RIMS2: variants seen among roughly 807,000 people sequenced by gnomAD.
The protein encoded by RIMS2 is regulating synaptic membrane exocytosis protein 2.
RIMS2 carries 59 observed loss-of-function variants against 174.4 expected under a neutral mutation model. The observed-to-expected ratio is 0.34, with a 90% confidence interval of 0.27 to 0.42. The LOEUF (loss-of-function observed/expected upper bound fraction) is 0.42, where lower values mean the gene tolerates loss of function less well. RIMS2 is among the 10% of genes least tolerant of loss of function. The pLI, the probability that RIMS2 is intolerant of heterozygous loss-of-function variation, is 1.00. For synonymous variants in RIMS2, 606 were observed against 572.5 expected, an observed-to-expected ratio of 1.06 and a Z score of -0.84; for missense variants, 1,620 against 1,666.3, an observed-to-expected ratio of 0.97 and a Z score of 0.48.
intron 19 of RIMS2, among the ~76,000 whole-genome samples, chr8:104,081,663 GA>G (rs76335678): frequency 0.24 from 35,623 of 151,330 alleles, 4,485 homozygotes; most frequent in African/African-American, 0.33. Context: ...CAATAAAAGT[GA>G]AAAAAAAGTT....
chr8:104,204,960 A>G (rs1417214976), intron 19 of RIMS2, among the ~76,000 whole-genome samples: 1 of 152,182 alleles, frequency 6.6e-6, no homozygotes, highest in Non-Finnish European at 1.5e-5. Flanking sequence ...GATTACCAAT[A>G]CTTTAGGAGC....
chr8:104,149,977 A>G (rs2098675958), intron 19 of RIMS2, among the ~76,000 whole-genome samples: 1 of 152,216 alleles, frequency 6.6e-6, no homozygotes, highest in Admixed American at 6.5e-5. Flanking sequence ...GCATTTTAAT[A>G]TATAAATAGA....
chr8:103,573,484 C>T (rs1308174447), intron 1 of RIMS2, among the ~76,000 whole-genome samples: 1 of 152,108 alleles, frequency 6.6e-6, no homozygotes, highest in Non-Finnish European at 1.5e-5. Flanking sequence ...GGTATACTTT[C>T]TCCATTGTTT....
At chr8:103,799,113 C>G (rs961030190) in intron 3 of RIMS2, among the ~76,000 whole-genome samples, 3 of 152,004 alleles carry the variant, frequency 2.0e-5, no homozygotes, top group Non-Finnish European at 2.9e-5. Context: ...CTTGGTCTTA[C>G]AACCACAACG....
chr8:104,220,199 T>A (rs2099148737), intron 19 of RIMS2, among the ~76,000 whole-genome samples: 2 of 152,198 alleles, frequency 1.3e-5, no homozygotes, highest in Non-Finnish European at 2.9e-5. Flanking sequence ...AATAAGATTA[T>A]TTTCTTCCTT....
intron 20 of RIMS2, among the ~76,000 whole-genome samples, 184 bp from the exon 27 acceptor site, chr8:104,248,517 T>C (rs1193262068): frequency 1.3e-5 from 2 of 152,168 alleles, no homozygotes; most frequent in African/African-American, 4.8e-5. Flanking sequence ...GGTGTCATAC[T>C]TGGGCTGCTG....
chr8:103,500,893 G>A (rs547331163), exon 1 of RIMS2: 4 of 1,594,644 alleles, frequency 2.5e-6, no homozygotes, highest in Non-Finnish European at 3.4e-6. Context: ...AAACATGTCG[G>A]CTCCTGTCGG....
intron 1 of RIMS2, among the ~76,000 whole-genome samples, chr8:103,652,922 C>G (rs1264194123): frequency 2.0e-5 from 3 of 147,760 alleles, no homozygotes; most frequent in African/African-American, 7.6e-5. Flanking sequence ...TCCCCCCACC[C>G]TGCTATATTT....
chr8:103,866,493 T>A (rs1389833168), intron 3 of RIMS2, among the ~76,000 whole-genome samples: 1 of 152,082 alleles, frequency 6.6e-6, no homozygotes, highest in East Asian at 1.9e-4. Flanking sequence ...ACCTTATTTG[T>A]TTTTCCCTTT....
chr8:103,512,688 T>A (rs796530722), intron 1 of RIMS2, among the ~76,000 whole-genome samples: 1 of 152,054 alleles, frequency 6.6e-6, no homozygotes, highest in Non-Finnish European at 1.5e-5. Context: ...ACCAGGAGAA[T>A]TTGTTGAAAA....
chr8:103,510,622 C>A (rs896622908), intron 1 of RIMS2, among the ~76,000 whole-genome samples: 1 of 152,040 alleles, frequency 6.6e-6, no homozygotes, highest in Non-Finnish European at 1.5e-5. Context: ...ACATAACTTG[C>A]TATATCTCTG....
intron 3 of RIMS2, among the ~76,000 whole-genome samples, chr8:103,789,067 G>A (rs1026920122): frequency 5.3e-5 from 8 of 152,250 alleles, no homozygotes; most frequent in Middle Eastern, 3.4e-3. Context: ...TCTTTGACTC[G>A]GAAAGGGAAC....
chr8:103,946,656 G>GA (rs2083874521), intron 14 of RIMS2, among the ~76,000 whole-genome samples: 1 of 152,146 alleles, frequency 6.6e-6, no homozygotes, highest in Admixed American at 6.6e-5. Context: ...GCATGAATTA[G>GA]AACACCCAGT....
At chr8:103,876,712 G>A (rs1005949212) in intron 3 of RIMS2, among the ~76,000 whole-genome samples, 12 of 150,080 alleles carry the variant, frequency 8.0e-5, no homozygotes, top group African/African-American at 2.9e-4. Context: ...CCATTCCTAA[G>A]TTACTTCACT....
At chr8:103,616,365 T>C (rs1195907804) in intron 1 of RIMS2, among the ~76,000 whole-genome samples, 1 of 152,108 alleles carries the variant, frequency 6.6e-6, no homozygotes, top group Non-Finnish European at 1.5e-5. Flanking sequence ...TGAAAGAACA[T>C]AGTTCAAAAT....
At chr8:103,757,584 C>T (rs989996786) in intron 2 of RIMS2, among the ~76,000 whole-genome samples, 3 of 152,002 alleles carry the variant, frequency 2.0e-5, no homozygotes, top group Non-Finnish European at 4.4e-5. Context: ...AAAAATGGCC[C>T]CTCTAAAGAT....
At chr8:104,011,614 G>T (rs1343557172) in intron 17 of RIMS2, among the ~76,000 whole-genome samples, 2 of 151,930 alleles carry the variant, frequency 1.3e-5, no homozygotes, top group Admixed American at 1.3e-4. Context: ...AAGTGAAATT[G>T]CATATCCTAA....
At chr8:104,008,214 C>T (rs2095650294) in intron 17 of RIMS2, among the ~76,000 whole-genome samples, 1 of 152,010 alleles carries the variant, frequency 6.6e-6, no homozygotes, top group Non-Finnish European at 1.5e-5. Flanking sequence ...TTACATTTGA[C>T]AAATCATTAT....
intron 3 of RIMS2, among the ~76,000 whole-genome samples, chr8:103,835,162 C>T (rs1337728399): frequency 6.3e-5 from 9 of 142,838 alleles, no homozygotes; most frequent in Non-Finnish European, 9.0e-5. Flanking sequence ...AGTGCAGTGG[C>T]GCGATCTCAG....
Sources: gnomAD v4.1 joint callset for allele counts (sites outside exome capture counted in the v4.1 genomes callset) on GRCh38, gnomAD v4.1.1 for gene constraint, MANE v1.5 for transcripts, NCBI Gene and HGNC (gene_info 2026-07-23, HGNC 2026-07-21) for gene names.